PITPNC1: variants seen among roughly 807,000 people sequenced by gnomAD.
The protein encoded by PITPNC1 is cytoplasmic phosphatidylinositol transfer protein 1.
A neutral mutation model predicts 44.7 loss-of-function variants in PITPNC1; 18 were observed. That is an observed-to-expected ratio of 0.40 (90% CI 0.28 to 0.60). The LOEUF (loss-of-function observed/expected upper bound fraction) is 0.60. Among genes scored for constraint, PITPNC1 ranks in the 20% least tolerant of loss-of-function variants. The pLI is 0.39. For synonymous variants in PITPNC1, 141 were observed against 149.6 expected, an observed-to-expected ratio of 0.94 and a Z score of 0.42; for missense variants, 290 against 418.4, an observed-to-expected ratio of 0.69 and a Z score of 2.68.
intron 6 of PITPNC1, among the ~76,000 whole-genome samples, chr17:67,647,463 G>GTTTTTTTTTTTTTTTTTT (rs1567757487): frequency 9.9e-5 from 9 of 90,596 alleles, no homozygotes; most frequent in African/African-American, 4.0e-4. Flanking sequence ...GCTAATTTTG[G>GTTTTTTTTTTTTTTTTTT]GTTTTTTTTT....
intron 1 of PITPNC1, among the ~76,000 whole-genome samples, chr17:67,441,205 A>G (rs2039007784): frequency 6.6e-6 from 1 of 151,850 alleles, no homozygotes; most frequent in African/African-American, 2.4e-5. Context: ...CATCTTCTGT[A>G]TCTCCCTCTC....
At chr17:67,596,790 T>C (rs2041466230) in intron 5 of PITPNC1, among the ~76,000 whole-genome samples, 1 of 152,190 alleles carries the variant, frequency 6.6e-6, no homozygotes, top group Admixed American at 6.5e-5. Context: ...GGGTGTTCCT[T>C]AATTCCCTAG....
At chr17:67,585,572 G>A (rs1470821833) in intron 5 of PITPNC1, among the ~76,000 whole-genome samples, 5 of 152,150 alleles carry the variant, frequency 3.3e-5, no homozygotes, top group African/African-American at 1.2e-4. Flanking sequence ...GGAGGCTGAG[G>A]CGGGCGGATC....
At chr17:67,585,143 A>C (rs1478496377) in intron 5 of PITPNC1, among the ~76,000 whole-genome samples, 1 of 151,406 alleles carries the variant, frequency 6.6e-6, no homozygotes, top group Non-Finnish European at 1.5e-5. Flanking sequence ...AAAACCAGAC[A>C]AACCAGCCCT....
chr17:67,588,193 G>C (rs764036342), intron 5 of PITPNC1, among the ~76,000 whole-genome samples: 1 of 151,940 alleles, frequency 6.6e-6, no homozygotes, highest in African/African-American at 2.4e-5. Flanking sequence ...TAGTAGAGAC[G>C]GGATTTCACC....
chr17:67,391,210 G>T (rs8066725), intron 1 of PITPNC1, among the ~76,000 whole-genome samples: 1 of 151,668 alleles, frequency 6.6e-6, no homozygotes, highest in Non-Finnish European at 1.5e-5. Flanking sequence ...TTAGGGTGTT[G>T]TTTCTTTCCT....
At chr17:67,433,426 G>A (rs1004580621) in intron 1 of PITPNC1, among the ~76,000 whole-genome samples, 1 of 152,198 alleles carries the variant, frequency 6.6e-6, no homozygotes, top group Admixed American at 6.5e-5. Flanking sequence ...GGGCAAGCCA[G>A]CCCCGGGCAG....
At chr17:67,381,293 A>G (rs1347061128) in intron 1 of PITPNC1, among the ~76,000 whole-genome samples, 1 of 136,736 alleles carries the variant, frequency 7.3e-6, no homozygotes, top group African/African-American at 2.8e-5. Context: ...ACGCCACTGC[A>G]CTCCAGCCTG....
intron 6 of PITPNC1, among the ~76,000 whole-genome samples, chr17:67,657,359 A>T (rs1190377535): frequency 1.3e-5 from 2 of 152,166 alleles, no homozygotes; most frequent in Non-Finnish European, 2.9e-5. Context: ...TGTAGATATG[A>T]CACCAGACTG....
rs144937156 is a variant in PITPNC1, at chr17:67,559,509, G to A, written c.294+5892G>A. 4.3e-3 allele frequency among the ~76,000 whole-genome samples: 648 copies of A among 152,196 alleles called. 6 individuals are homozygous for A. Among genetic ancestry groups the A allele is most frequent in the African/African-American group, 0.015 (606 of 41,534 alleles). On this transcript the variant is annotated intron_variant, in intron 4 of 8. Transcript: ENST00000581322. ...GGAAATATCCTTTTTTTAGGGACCA[G>A]GCCAAAGAAACAGTCCTCCAGTTGG...
At chr17:67,399,799 C>T (rs1323822026) in intron 1 of PITPNC1, among the ~76,000 whole-genome samples, 4 of 152,150 alleles carry the variant, frequency 2.6e-5, no homozygotes, top group Non-Finnish European at 5.9e-5. Flanking sequence ...TGCATTTTAT[C>T]TCCCTGAGCC....
intron 1 of PITPNC1, among the ~76,000 whole-genome samples, chr17:67,394,734 A>G (rs2038189724): frequency 6.6e-6 from 1 of 152,108 alleles, no homozygotes; most frequent in South Asian, 2.1e-4. Context: ...CTCGACTAAA[A>G]ATACAAAATA....
rs747586519 is a variant in PITPNC1, at chr17:67,532,912, C to T, written c.159C>T (p.Gly53=). 5 of 1,610,856 alleles carry T rather than the reference C, an allele frequency of 3.1e-6. No homozygotes were observed. In the South Asian group the frequency reaches 3.3e-5, roughly 11 times the overall value. ...AGCCCTTTGAGGACCCTCACCATGG[C>T]AATGGGCAGTTCACCGAGAAGCGGG... The part of the protein sequence containing the change: ...QNEPFEDPHH[G]NGQFTEKRVY... The change falls in exon 2 of 9, where the codon GGC becomes GGT. Residue 53 remains glycine (G), a synonymous_variant. Coordinates refer to ENST00000581322, the MANE Select transcript of PITPNC1 (RefSeq NM_012417.4).
chr17:67,615,388 C>G (rs917086044), intron 5 of PITPNC1, among the ~76,000 whole-genome samples: 1 of 152,152 alleles, frequency 6.6e-6, no homozygotes, highest in Admixed American at 6.6e-5. Flanking sequence ...CTAAGTACCT[C>G]GGGACGCTTG....
chr17:67,644,984 G>A (rs1256098338), intron 6 of PITPNC1, among the ~76,000 whole-genome samples: 1 of 152,120 alleles, frequency 6.6e-6, no homozygotes, highest in African/African-American at 2.4e-5. Context: ...AAATGCACCA[G>A]GTTTGGGAAA....
At chr17:67,388,964 C>T (rs894826667) in intron 1 of PITPNC1, among the ~76,000 whole-genome samples, 5 of 152,202 alleles carry the variant, frequency 3.3e-5, no homozygotes, top group African/African-American at 1.2e-4. Context: ...TACAATAACA[C>T]CCATTTATTA....
chr17:67,558,087 ACTCAGACCTCATG>A (rs2144182759), intron 4 of PITPNC1, among the ~76,000 whole-genome samples: 1 of 152,270 alleles, frequency 6.6e-6, no homozygotes, highest in South Asian at 2.1e-4. Context: ...TTAGCCTATT[ACTCAGACCTCATG>A]CTGCCCTCAT....
At chr17:67,381,753 A>G (rs1050090133) in intron 1 of PITPNC1, among the ~76,000 whole-genome samples, 1 of 152,158 alleles carries the variant, frequency 6.6e-6, no homozygotes, top group Non-Finnish European at 1.5e-5. Context: ...CGCCCGGCCT[A>G]CTTGTTTCTC....
chr17:67,579,484 G>A lies in PITPNC1; in HGVS notation c.366+1227G>A, dbSNP rs187740524. Among the ~76,000 whole-genome samples, 370 of 152,256 alleles carry A rather than the reference G, an allele frequency of 2.4e-3. 3 individuals carry two copies. The highest frequency in any genetic ancestry group is 8.3e-3 in the African/African-American group (345 of 41,544). On this transcript the variant is annotated intron_variant, in intron 5 of 8. Coordinates refer to ENST00000581322, the MANE Select transcript of PITPNC1 (RefSeq NM_012417.4). ...TGTCTCCTTGAAGTGGCAGCCCAAT[G>A]GGAAATGTTTAGGGCCATTTTCCTG...
Sources: allele counts gnomAD v4.1 joint callset (sites outside exome capture counted in the v4.1 genomes callset), GRCh38; gene constraint gnomAD v4.1.1; transcripts MANE v1.5; gene names NCBI Gene and HGNC (gene_info 2026-07-23, HGNC 2026-07-21).